ROBO2: variants seen among roughly 807,000 people sequenced by gnomAD.
ROBO2 encodes the protein roundabout homolog 2.
Under a neutral mutation model 160.8 loss-of-function variants are expected in ROBO2, and 53 were observed. That is an observed-to-expected ratio of 0.33 (90% CI 0.26 to 0.41). The LOEUF is 0.41. Ranked by LOEUF, ROBO2 falls within the 10% of genes least tolerant of loss-of-function variation. The probability of loss-of-function intolerance (pLI) is 1.00; values close to 1 mark genes in which losing one functional copy is unlikely to be tolerated. For missense variants in ROBO2, 1,577 were observed against 1,722.4 expected, an observed-to-expected ratio of 0.92 and a Z score of 1.49; for synonymous variants, 664 against 611.7, an observed-to-expected ratio of 1.09 and a Z score of -1.26.
At position 76,554,174 on chromosome 3, in the gene ROBO2, G is replaced by A. The variant is rs2083573086; in HGVS notation, c.110-543840G>A. ...TATTGTATAACTTGTTTGAAAGAAT[G>A]AGCTACATCTATGGACATAATGTGG... On this transcript the variant is annotated intron_variant, in intron 2 of 26. Transcript: ENST00000487694. Among the ~76,000 whole-genome samples, 4 of 152,314 alleles carry A rather than the reference G, an allele frequency of 2.6e-5. 1 individual carries two copies. In the South Asian group the frequency reaches 8.3e-4, roughly 32 times the overall value.
At chr3:76,662,505 C>G (rs2110066987) in intron 2 of ROBO2, among the ~76,000 whole-genome samples, 1 of 148,982 alleles carries the variant, frequency 6.7e-6, no homozygotes, top group Admixed American at 6.9e-5. Flanking sequence ...GTTTCTCACT[C>G]TTGAGGAACT....
intron 2 of ROBO2, among the ~76,000 whole-genome samples, chr3:76,683,922 T>C (rs550582518): frequency 1.3e-5 from 2 of 152,218 alleles, no homozygotes; most frequent in East Asian, 3.9e-4. Context: ...AGTTTATATT[T>C]TTTTCTCTTT....
At chr3:77,029,905 T>G (rs2063204932) in intron 2 of ROBO2, among the ~76,000 whole-genome samples, 1 of 152,134 alleles carries the variant, frequency 6.6e-6, no homozygotes, top group South Asian at 2.1e-4. Context: ...CCTCCTATCC[T>G]TGAACTATAT....
intron 2 of ROBO2, among the ~76,000 whole-genome samples, chr3:76,428,487 G>A (rs1190147917): frequency 1.3e-5 from 2 of 152,106 alleles, no homozygotes; most frequent in African/African-American, 4.8e-5. Flanking sequence ...GTTAAAGATT[G>A]TGTAGATTTT....
chr3:77,324,425 A>G (rs1283867894), intron 2 of ROBO2, among the ~76,000 whole-genome samples: 1 of 152,178 alleles, frequency 6.6e-6, no homozygotes, highest in East Asian at 1.9e-4. Context: ...TGTGGCATCG[A>G]GTATAAAAGT....
chr3:76,741,779 C>A lies in ROBO2; in HGVS notation c.110-356235C>A, dbSNP rs542539480. ...ATAACTGTATAATGAAAAGTAATTT[C>A]TGAAAACAAATTTGCAATTTAGGAA... On this transcript the variant is annotated intron_variant, in intron 2 of 26. Transcript: ENST00000487694. 8.4e-4 allele frequency among the ~76,000 whole-genome samples: 128 copies of A among 152,086 alleles called. 2 individuals carry two copies. In the South Asian group the frequency reaches 8.7e-3, roughly 10 times the overall value.
At chr3:77,304,373 T>C (rs987748177) in intron 2 of ROBO2, among the ~76,000 whole-genome samples, 1 of 152,138 alleles carries the variant, frequency 6.6e-6, no homozygotes, top group Non-Finnish European at 1.5e-5. Flanking sequence ...TTCCTCATAA[T>C]AGGGAACATT....
intron 2 of ROBO2, among the ~76,000 whole-genome samples, chr3:76,787,531 C>T (rs2063070493): frequency 6.6e-6 from 1 of 151,272 alleles, no homozygotes; most frequent in Non-Finnish European, 1.5e-5. Flanking sequence ...ACAAAACCTA[C>T]AAATGCTAAA....
At chr3:77,520,884 G>A (rs919363617) in intron 5 of ROBO2, among the ~76,000 whole-genome samples, 3 of 151,082 alleles carry the variant, frequency 2.0e-5, no homozygotes, top group African/African-American at 7.3e-5. Context: ...CATTTTTACT[G>A]GCAAAGTTAA....
chr3:77,429,858 G>T (rs573001067), intron 2 of ROBO2, among the ~76,000 whole-genome samples: 1 of 152,050 alleles, frequency 6.6e-6, no homozygotes, highest in South Asian at 2.1e-4. Context: ...CACACCTTAC[G>T]GTCTCTTAGC....
intron 2 of ROBO2, among the ~76,000 whole-genome samples, chr3:76,143,320 C>G (rs1288942392): frequency 6.6e-6 from 1 of 152,066 alleles, no homozygotes; most frequent in East Asian, 1.9e-4. Context: ...TATGAGCTAC[C>G]ATGCCTGACT....
chr3:76,967,511 CTTTTTTTTTTTTTTTT>C (rs59372235), intron 2 of ROBO2, among the ~76,000 whole-genome samples: 1 of 55,372 alleles, frequency 1.8e-5, no homozygotes, highest in Non-Finnish European at 3.1e-5. Context: ...CTGGCCAGCT[CTTTTTTTTTTTTTTTT>C]TTTTTTTTTT....
intron 2 of ROBO2, among the ~76,000 whole-genome samples, chr3:76,842,798 G>A (rs1052049479): frequency 2.6e-5 from 4 of 152,082 alleles, no homozygotes; most frequent in African/African-American, 9.7e-5. Flanking sequence ...ACCAGGGGCA[G>A]ACACAGTGCT....
chr3:77,247,188 T>G (rs2089826058), intron 2 of ROBO2, among the ~76,000 whole-genome samples: 1 of 152,204 alleles, frequency 6.6e-6, no homozygotes, highest in Non-Finnish European at 1.5e-5. Context: ...AAGAAGTGCT[T>G]TAACTTAAAT....
chr3:77,590,298 C>G (rs539432581), intron 17 of ROBO2, among the ~76,000 whole-genome samples: 2 of 152,288 alleles, frequency 1.3e-5, no homozygotes, highest in African/African-American at 4.8e-5. Flanking sequence ...GTTGCTGCCT[C>G]TCTGCTTCCT....
At chr3:77,526,213 T>C (rs1344260437) in intron 6 of ROBO2, among the ~76,000 whole-genome samples, 1 of 151,496 alleles carries the variant, frequency 6.6e-6, no homozygotes, top group Non-Finnish European at 1.5e-5. Context: ...GTTTTAATTG[T>C]GAATAATATT....
chr3:76,937,281 G>A lies in ROBO2; in HGVS notation c.110-160733G>A, dbSNP rs541183284. On this transcript the variant is annotated intron_variant, in intron 2 of 26. Transcript: ENST00000487694. ...CTTACATGTGCCAGATCTGTGGCAT[G>A]CTATGCTACCTTTTAAATGTTATGA... Among the ~76,000 whole-genome samples the A allele has an allele frequency of 2.6e-5, 4 of 152,204 alleles. No individual in the cohort carries two copies. In the East Asian group the frequency reaches 5.8e-4, roughly 22 times the overall value.
chr3:77,136,643 T>TC, intron 2 of ROBO2, among the ~76,000 whole-genome samples: 1 of 146,324 alleles, frequency 6.8e-6, no homozygotes, highest in East Asian at 2.0e-4. Flanking sequence ...CCCAATTAAT[T>TC]TTTTTTTTTT....
intron 2 of ROBO2, among the ~76,000 whole-genome samples, chr3:77,409,115 A>ATATG (rs1553942415): frequency 6.7e-6 from 1 of 148,252 alleles, no homozygotes; most frequent in Non-Finnish European, 1.5e-5. Flanking sequence ...ATATATATAT[A>ATATG]TATATATAGT....
Sources: allele counts gnomAD v4.1 joint callset (sites outside exome capture counted in the v4.1 genomes callset), GRCh38; gene constraint gnomAD v4.1.1; transcripts MANE v1.5; gene names NCBI Gene and HGNC (gene_info 2026-07-23, HGNC 2026-07-21).